Variants in MKLN1 observed in about 807,000 individuals in gnomAD.
MKLN1 encodes muskelin 1.
A neutral mutation model predicts 99.0 loss-of-function variants in MKLN1; 18 were observed. The ratio of observed to expected loss-of-function variants is 0.18; its 90% confidence interval spans 0.13 to 0.27. MKLN1 has a LOEUF of 0.27. Among genes scored for constraint, MKLN1 ranks in the 10% least tolerant of loss-of-function variants. The pLI is 1.00. For synonymous variants in MKLN1, 288 were observed against 293.2 expected, an observed-to-expected ratio of 0.98 and a Z score of 0.18; for missense variants, 621 against 875.9, an observed-to-expected ratio of 0.71 and a Z score of 3.67.
At chr7:131,256,759 T>C (rs1299870016) in intron 3 of MKLN1, among the ~76,000 whole-genome samples, 3 of 151,940 alleles carry the variant, frequency 2.0e-5, no homozygotes, top group Non-Finnish European at 2.9e-5. Context: ...TGGGTACACA[T>C]AGACACAAAT....
intron 1 of MKLN1, among the ~76,000 whole-genome samples, chr7:131,340,409 G>T (rs954826305): frequency 6.7e-6 from 1 of 149,206 alleles, no homozygotes; most frequent in Non-Finnish European, 1.5e-5. Flanking sequence ...CCCCCAAGTA[G>T]CTGGGACTAC....
At chr7:131,182,278 G>T (rs1377160405) in intron 2 of MKLN1, among the ~76,000 whole-genome samples, 3 of 152,222 alleles carry the variant, frequency 2.0e-5, no homozygotes, top group African/African-American at 7.2e-5. Flanking sequence ...GGAAAAACAG[G>T]TTCCCATAGC....
intron 6 of MKLN1, among the ~76,000 whole-genome samples, chr7:131,409,364 A>G (rs961452638): frequency 6.6e-6 from 1 of 152,244 alleles, no homozygotes; most frequent in Non-Finnish European, 1.5e-5. Context: ...CGAAAGTTGC[A>G]GGAAGTTCTT....
At chr7:131,129,189 T>C (rs558193629) in intron 1 of MKLN1, among the ~76,000 whole-genome samples, 26 of 152,264 alleles carry the variant, frequency 1.7e-4, no homozygotes, top group African/African-American at 5.3e-4. Flanking sequence ...GCCTAGCAAA[T>C]TGTAAGAACT....
Position 131,399,415 on chromosome 7 carries a change from A to C in MKLN1, c.685A>C (p.Ile229Leu). The C allele has an allele frequency of 6.2e-7, 1 of 1,613,922 alleles. No individual in the cohort carries two copies. Among genetic ancestry groups the C allele is most frequent in the Non-Finnish European group, 8.5e-7 (1 of 1,179,854 alleles). Residue 229 changes from isoleucine (I) to leucine (L), a missense_variant, in exon 6 of 18, where the codon ATT becomes CTT. Physicochemically the swap from Ile to Leu is conservative, Grantham distance 5 (BLOSUM62 2). This residue lies in a region of MKLN1 where 361 missense variants were observed against 540.8 expected (regional missense o/e 0.67). Transcript: ENST00000352689. ...KGDFDACEEL[I>L]EKAVNDGLFN... ...TGATTTTGATGCTTGCGAAGAGTTGATTGAAAAGGCTGTAAATGGTATGAA... is the reference window on the plus strand; with the variant it reads ...TGATTTTGATGCTTGCGAAGAGTTGCTTGAAAAGGCTGTAAATGGTATGAA...
intron 1 of MKLN1, among the ~76,000 whole-genome samples, chr7:131,131,887 G>A (rs566133836): frequency 6.6e-6 from 1 of 152,252 alleles, no homozygotes; most frequent in African/African-American, 2.4e-5. Context: ...TCAGACTCAG[G>A]ACCACTTCGC....
At position 131,149,822 on chromosome 7, in the gene MKLN1, G is replaced by A. The variant is rs1795864207; in HGVS notation, c.-297+6881G>A. Among the ~76,000 whole-genome samples, 8 of 152,144 alleles carry A rather than the reference G, an allele frequency of 5.3e-5. No homozygotes were observed. The South Asian group carries it at 1.7e-3, about 32-fold the overall frequency. On this transcript the variant is annotated intron_variant, in intron 2 of 7. Transcript: ENST00000416992. ...TGGGATGAAACAAGTGACCCTTGTT[G>A]GAAGTATGTCAAGAATCAACTTTCT...
At chr7:131,245,477 A>G (rs1455313681) in intron 3 of MKLN1, among the ~76,000 whole-genome samples, 2 of 152,150 alleles carry the variant, frequency 1.3e-5, no homozygotes, top group Non-Finnish European at 2.9e-5. Flanking sequence ...CACATTAGCC[A>G]GGCTGGTCTC....
At chr7:131,253,181 C>T (rs766190991) in intron 3 of MKLN1, among the ~76,000 whole-genome samples, 3 of 152,192 alleles carry the variant, frequency 2.0e-5, no homozygotes, top group African/African-American at 4.8e-5. Flanking sequence ...CTGGTAAGAA[C>T]AGTTGGGAGT....
intron 1 of MKLN1, among the ~76,000 whole-genome samples, chr7:131,129,316 C>A (rs562671151): frequency 6.6e-6 from 1 of 152,032 alleles, no homozygotes; most frequent in Non-Finnish European, 1.5e-5. Flanking sequence ...TGTTAAAAAC[C>A]TTAACATACA....
intron 1 of MKLN1, among the ~76,000 whole-genome samples, chr7:131,347,274 A>G (rs1015331377): frequency 2.6e-5 from 4 of 152,238 alleles, no homozygotes; most frequent in Non-Finnish European, 5.9e-5. Context: ...GATTGTCAAG[A>G]GAGTAAGTGC....
chr7:131,278,044 T>G (rs1797999507), intron 3 of MKLN1, among the ~76,000 whole-genome samples: 1 of 152,068 alleles, frequency 6.6e-6, no homozygotes, highest in South Asian at 2.1e-4. Context: ...TTATTTTATT[T>G]TATTTATTTT....
chr7:131,449,247 C>G (rs1356210361), intron 12 of MKLN1, among the ~76,000 whole-genome samples: 1 of 152,062 alleles, frequency 6.6e-6, no homozygotes, highest in African/African-American at 2.4e-5. Context: ...GGGACTGGTA[C>G]GTATTGAGGA....
intron 1 of MKLN1, among the ~76,000 whole-genome samples, chr7:131,374,680 G>A (rs946952694): frequency 7.9e-5 from 12 of 151,978 alleles, no homozygotes; most frequent in Admixed American, 5.2e-4. Flanking sequence ...GTGAAAAAGC[G>A]GTCTTCTAAA....
chr7:131,339,582 C>T (rs1010085288), intron 1 of MKLN1, among the ~76,000 whole-genome samples: 1 of 151,996 alleles, frequency 6.6e-6, no homozygotes, highest in Non-Finnish European at 1.5e-5. Flanking sequence ...GCCTGTGCTC[C>T]CAGCTGTTTG....
chr7:131,388,673 G>T (rs990838107), intron 3 of MKLN1, among the ~76,000 whole-genome samples: 1 of 152,076 alleles, frequency 6.6e-6, no homozygotes, highest in Non-Finnish European at 1.5e-5. Context: ...ATTAATCCTC[G>T]TATAATTAAG....
At chr7:131,255,098 C>A (rs927638431) in intron 3 of MKLN1, among the ~76,000 whole-genome samples, 3 of 151,892 alleles carry the variant, frequency 2.0e-5, no homozygotes, top group African/African-American at 7.3e-5. Context: ...CTATGTTTCC[C>A]AGGGCAATTT....
At chr7:131,210,297 G>A (rs933607910) in intron 3 of MKLN1, among the ~76,000 whole-genome samples, 4 of 152,120 alleles carry the variant, frequency 2.6e-5, no homozygotes, top group East Asian at 1.9e-4. Flanking sequence ...TTGGGAGGCC[G>A]AGGAGGGTGG....
At chr7:131,378,457 G>T (rs1402067711) in intron 2 of MKLN1, among the ~76,000 whole-genome samples, 1 of 152,172 alleles carries the variant, frequency 6.6e-6, no homozygotes, top group Non-Finnish European at 1.5e-5. Context: ...AAAGAGTCTT[G>T]CACTTCTAGT....
Sources: gnomAD v4.1 joint callset for allele counts (sites outside exome capture counted in the v4.1 genomes callset) on GRCh38, gnomAD v4.1.1 for gene constraint, gnomAD v4.1.1 regional missense constraint, MANE v1.5 for transcripts, NCBI Gene and HGNC (gene_info 2026-07-23, HGNC 2026-07-21) for gene names.